Variants in SLC14A2 observed in about 807,000 individuals in gnomAD.
SLC14A2 encodes urea transporter 2.
SLC14A2 carries 91 observed loss-of-function variants against 104.6 expected under a neutral mutation model. The observed-to-expected ratio is 0.87, with a 90% CI of 0.73 to 1.04. The LOEUF is 1.04. Among genes scored for constraint, SLC14A2 ranks in the 50% least tolerant of loss-of-function variants. The pLI is 0.00. For synonymous variants in SLC14A2, 476 were observed against 466.4 expected, an observed-to-expected ratio of 1.02 and a Z score of -0.27; for missense variants, 1,189 against 1,156.0, an observed-to-expected ratio of 1.03 and a Z score of -0.41.
intron 2 of SLC14A2, among the ~76,000 whole-genome samples, chr18:45,591,209 G>T (rs1451814015): frequency 6.6e-6 from 1 of 152,156 alleles, no homozygotes; most frequent in East Asian, 1.9e-4. Context: ...GTAATAGCTT[G>T]TTACTAATAA....
chr18:45,590,612 G>A (rs1038068588), intron 2 of SLC14A2, among the ~76,000 whole-genome samples: 3 of 152,096 alleles, frequency 2.0e-5, no homozygotes, highest in Admixed American at 6.5e-5. Context: ...TGGCACCCTA[G>A]GGGTCTAAAG....
rs549229749 is a variant in SLC14A2, at chr18:45,287,963, A to G, written c.-125+74772A>G. 2.6e-5 allele frequency among the ~76,000 whole-genome samples: 4 copies of G among 152,346 alleles called. No homozygotes were observed. In the South Asian group the frequency reaches 8.3e-4, roughly 32 times the overall value. ...CCTAAGAGCAGAGTAACTCGCCTGCAGTCCTAGCTCCTTTTGTCTCCTGCC... is the reference window on the plus strand; with the variant it reads ...CCTAAGAGCAGAGTAACTCGCCTGCGGTCCTAGCTCCTTTTGTCTCCTGCC... On this transcript the variant is annotated intron_variant, in intron 1 of 20. Transcript: ENST00000586448.
chr18:45,433,680 T>C (rs1163933909), intron 1 of SLC14A2, among the ~76,000 whole-genome samples: 2 of 152,218 alleles, frequency 1.3e-5, no homozygotes, highest in Non-Finnish European at 2.9e-5. Flanking sequence ...TTCCTGATTA[T>C]TTGGGGCTAC....
intron 2 of SLC14A2, among the ~76,000 whole-genome samples, chr18:45,546,396 A>G (rs138448827): frequency 1.3e-5 from 2 of 152,350 alleles, no homozygotes; most frequent in African/African-American, 4.8e-5. Context: ...AGTGATGCTG[A>G]ATTCCGTGTG....
chr18:45,245,859 C>G (rs2084363257), intron 1 of SLC14A2, among the ~76,000 whole-genome samples: 1 of 152,188 alleles, frequency 6.6e-6, no homozygotes, highest in Admixed American at 6.5e-5. Context: ...AGACTAAAAG[C>G]TGGTGGAATT....
intron 2 of SLC14A2, among the ~76,000 whole-genome samples, chr18:45,601,923 G>A (rs2044795989): frequency 6.6e-6 from 1 of 152,248 alleles, no homozygotes; most frequent in South Asian, 2.1e-4. Flanking sequence ...AGGACTGGCT[G>A]AAAGATGTGA....
intron 2 of SLC14A2, among the ~76,000 whole-genome samples, chr18:45,604,037 T>G (rs988660331): frequency 6.6e-6 from 1 of 152,256 alleles, no homozygotes; most frequent in Non-Finnish European, 1.5e-5. Context: ...GATTTTCTCC[T>G]GGTCACAGAC....
At chr18:45,613,952 C>T (rs946530532), upstream of SLC14A2, among the ~76,000 whole-genome samples, 2 of 152,186 alleles carry the variant, frequency 1.3e-5, no homozygotes, top group Non-Finnish European at 2.9e-5. Context: ...TAACCAGAAG[C>T]CAAATGTTAA....
chr18:45,484,474 A>T (rs1191848580), intron 2 of SLC14A2, among the ~76,000 whole-genome samples: 1 of 152,200 alleles, frequency 6.6e-6, no homozygotes, highest in Non-Finnish European at 1.5e-5. Flanking sequence ...ATTCATATAT[A>T]TCTCACAGAG....
rs145479098 is a variant in SLC14A2, at chr18:45,296,945, G to A, written c.-125+83754G>A. ...TTTGATAGCTTCTTTTTGAGGCCTT[G>A]TAAGGTATTTTGATACTGAATCAAG... On this transcript the variant is annotated intron_variant, in intron 1 of 20. Coordinates refer to the SLC14A2 transcript ENST00000586448. Among the ~76,000 whole-genome samples, 9 of 152,122 alleles carry A rather than the reference G, an allele frequency of 5.9e-5. No individual in the cohort carries two copies. The East Asian group carries it at 1.7e-3, about 29-fold the overall frequency.
Position 45,668,386 on chromosome 18 carries a change from G to A in SLC14A2, c.1945G>A (p.Val649Met), listed in dbSNP as rs1466404634. 3.7e-6 allele frequency: 6 copies of A among 1,614,046 alleles called. No individual in the cohort carries two copies. In the African/African-American group the frequency reaches 5.3e-5, roughly 14 times the overall value. The change falls in exon 15 of 20, where the codon GTG (valine) becomes ATG (methionine). Residue 649 changes from valine to methionine, a missense_variant. By Grantham distance (21) the Val-to-Met change is conservative. Coordinates refer to ENST00000255226, the MANE Select transcript of SLC14A2 (RefSeq NM_007163.4). ...IAAGFHGYNGVLVGLLMAVFS... is the reference protein window; with the variant it reads ...IAAGFHGYNGMLVGLLMAVFS... ...TGCAGGATTTCACGGCTACAATGGGGTGCTGGTGGGGCTGCTGATGGCCGT... is the reference window on the plus strand; with the variant it reads ...TGCAGGATTTCACGGCTACAATGGGATGCTGGTGGGGCTGCTGATGGCCGT...
chr18:45,618,991 G>C (rs1186160225), intron 1 of SLC14A2, among the ~76,000 whole-genome samples: 1 of 152,186 alleles, frequency 6.6e-6, no homozygotes, highest in East Asian at 1.9e-4. Flanking sequence ...GTACAATAGA[G>C]CAGGAGCCAC....
chr18:45,473,542 C>G (rs868664837), intron 1 of SLC14A2, among the ~76,000 whole-genome samples: 1 of 152,180 alleles, frequency 6.6e-6, no homozygotes, highest in Non-Finnish European at 1.5e-5. Context: ...TTTGTGTCCT[C>G]TCTTATTTCC....
chr18:45,461,489 A>G (rs948255910), intron 1 of SLC14A2, among the ~76,000 whole-genome samples: 3 of 152,168 alleles, frequency 2.0e-5, no homozygotes, highest in Non-Finnish European at 2.9e-5. Flanking sequence ...AACCTCATCT[A>G]TTTTATGGAA....
chr18:45,449,348 C>T (rs988652745), intron 1 of SLC14A2, among the ~76,000 whole-genome samples: 42 of 152,208 alleles, frequency 2.8e-4, no homozygotes, highest in African/African-American at 9.9e-4. Flanking sequence ...ACCTATCCCA[C>T]ATTCCACCTC....
chr18:45,581,734 T>TA (rs1445066960), intron 2 of SLC14A2, among the ~76,000 whole-genome samples: 1 of 152,182 alleles, frequency 6.6e-6, no homozygotes, highest in Non-Finnish European at 1.5e-5. Flanking sequence ...GTTGTTGATA[T>TA]TGCTGTATTG....
intron 2 of SLC14A2, among the ~76,000 whole-genome samples, chr18:45,590,177 G>T (rs2044627826): frequency 6.6e-6 from 1 of 152,090 alleles, no homozygotes. Flanking sequence ...ACTTGCCCAG[G>T]GTCCAACAGT....
intron 1 of SLC14A2, among the ~76,000 whole-genome samples, chr18:45,476,886 C>G (rs1388653141): frequency 6.6e-6 from 1 of 152,134 alleles, no homozygotes; most frequent in African/African-American, 2.4e-5. Flanking sequence ...TTCCTCTAAC[C>G]TTTTTTCAAG....
chr18:45,517,017 C>T (rs2043450347), intron 2 of SLC14A2, among the ~76,000 whole-genome samples: 1 of 152,242 alleles, frequency 6.6e-6, no homozygotes, highest in Non-Finnish European at 1.5e-5. Flanking sequence ...TCCAGGCTCT[C>T]ACTGTGTGCT....
Sources: allele counts gnomAD v4.1 joint callset (sites outside exome capture counted in the v4.1 genomes callset), GRCh38; gene constraint gnomAD v4.1.1; transcripts MANE v1.5; gene names NCBI Gene and HGNC (gene_info 2026-07-23, HGNC 2026-07-21).